SRGAP1: variants seen among roughly 807,000 people sequenced by gnomAD.
SRGAP1 encodes the protein SLIT-ROBO Rho GTPase-activating protein 1.
In SRGAP1, 43 loss-of-function variants were observed where a neutral mutation model predicts 121.9. The ratio of observed to expected loss-of-function variants is 0.35; its 90% CI spans 0.28 to 0.46. The LOEUF is 0.46. Among genes scored for constraint, SRGAP1 ranks in the 20% least tolerant of loss-of-function variants. The pLI, the probability that SRGAP1 is intolerant of heterozygous loss-of-function variation, is 1.00. For synonymous variants in SRGAP1, 447 were observed against 485.4 expected (o/e 0.92, Z 1.04); for missense variants, 1,102 against 1,350.9 (o/e 0.82, Z 2.89).
chr12:64,083,657 A>G (rs143016218), intron 10 of SRGAP1, among the ~76,000 whole-genome samples: 1 of 152,354 alleles, frequency 6.6e-6, no homozygotes, highest in East Asian at 1.9e-4. Context: ...CATAGAAGTT[A>G]AATTGACCAC....
At position 63,945,956 on chromosome 12, in the gene SRGAP1, T is replaced by C. The variant is rs111797898; in HGVS notation, c.68-37991T>C. On this transcript the variant is annotated intron_variant, in intron 1 of 21. Coordinates refer to ENST00000355086, the MANE Select transcript of SRGAP1 (RefSeq NM_020762.4). ...TAGTTCACCCACACATACCTTCCTA[T>C]CTGGTTCACCCACACATACCTTCCT... is the stretch of plus-strand genomic sequence containing the variant. Among the ~76,000 whole-genome samples the C allele has an allele frequency of 2.7e-4, 40 of 150,384 alleles. No individual in the cohort carries two copies. In the South Asian group the frequency reaches 4.0e-3, roughly 15 times the overall value.
intron 1 of SRGAP1, among the ~76,000 whole-genome samples, chr12:63,918,951 G>A (rs371015151): frequency 1.3e-5 from 2 of 152,134 alleles, no homozygotes; most frequent in African/African-American, 2.4e-5. Context: ...TATTCTTTGG[G>A]GAGTGACGTG....
At chr12:63,933,742 C>A in intron 1 of SRGAP1, among the ~76,000 whole-genome samples, 1 of 152,134 alleles carries the variant, frequency 6.6e-6, no homozygotes, top group East Asian at 1.9e-4. Context: ...CAACAAAAAG[C>A]TTGAGTAGTC....
chr12:64,082,946 T>G (rs1185195903), intron 10 of SRGAP1, among the ~76,000 whole-genome samples: 1 of 152,218 alleles, frequency 6.6e-6, no homozygotes, highest in South Asian at 2.1e-4. Flanking sequence ...CTGCCCCTTT[T>G]GCAGGCTGGG....
At chr12:64,090,649 G>T (rs1452848909) in intron 11 of SRGAP1, among the ~76,000 whole-genome samples, 3 of 152,140 alleles carry the variant, frequency 2.0e-5, no homozygotes, top group African/African-American at 7.2e-5. Flanking sequence ...AGACCAGCCT[G>T]GAAAACACAG....
At chr12:64,061,212 C>G (rs2136534328) in intron 6 of SRGAP1, among the ~76,000 whole-genome samples, 1 of 152,012 alleles carries the variant, frequency 6.6e-6, no homozygotes, top group East Asian at 1.9e-4. Flanking sequence ...TGTTATATTC[C>G]TAGGAATACT....
intron 3 of SRGAP1, among the ~76,000 whole-genome samples, chr12:63,990,396 G>GTA (rs2033522052): frequency 6.6e-6 from 1 of 152,160 alleles, no homozygotes; most frequent in Non-Finnish European, 1.5e-5. Flanking sequence ...GCTGGGCGTG[G>GTA]TGGCGCTTGC....
At chr12:63,982,172 C>G (rs906350632) in intron 1 of SRGAP1, among the ~76,000 whole-genome samples, 2 of 151,558 alleles carry the variant, frequency 1.3e-5, no homozygotes, top group African/African-American at 4.9e-5. Context: ...GATCGCGCCA[C>G]TGCACTCCAG....
chr12:64,099,225 G>A (rs1169249541), intron 15 of SRGAP1, among the ~76,000 whole-genome samples: 3 of 152,094 alleles, frequency 2.0e-5, no homozygotes, highest in African/African-American at 7.2e-5. Flanking sequence ...TAAAATAGGG[G>A]GAACATTAAT....
rs1349211195 is a variant in SRGAP1, at chr12:64,158,385, A to G, written c.*15713A>G. On this transcript the variant is annotated 3_prime_UTR_variant, in exon 22 of 22. Transcript: ENST00000355086. ...AAGTATATGAAAAGTTTAAGACCCAATTGCTTTTGAAGGAGATTCATCTAG... is the reference window on the plus strand; with the variant it reads ...AAGTATATGAAAAGTTTAAGACCCAGTTGCTTTTGAAGGAGATTCATCTAG... 1 of 152,240 alleles carries G rather than the reference A, an allele frequency of 6.6e-6. No homozygotes were observed. 9.4% of individuals were successfully genotyped at this position (152,240 alleles called of 1,614,324 possible).
chr12:63,874,277 C>T (rs930730189), intron 1 of SRGAP1, among the ~76,000 whole-genome samples: 13 of 151,990 alleles, frequency 8.6e-5, no homozygotes, highest in Non-Finnish European at 1.3e-4. Context: ...GATCTCGGCT[C>T]GCTGCAAGCT....
rs143882248 is a variant in SRGAP1 at position 63,886,340 on chromosome 12, G to A, written c.67+41457G>A. ...GCCTCTCAAGGTACTGGGATTAGAG[G>A]CATGAGCCATCGTGCCTGGCCAATG... On this transcript the variant is annotated intron_variant, in intron 1 of 21. Coordinates refer to ENST00000355086, the MANE Select transcript of SRGAP1 (RefSeq NM_020762.4). Among the ~76,000 whole-genome samples the A allele has an allele frequency of 5.1e-4, 76 of 149,278 alleles. 6 individuals are homozygous for A. The highest frequency in any genetic ancestry group is 1.9e-3 in the African/African-American group (74 of 38,768).
chr12:64,003,754 G>A (rs988579138), intron 3 of SRGAP1, among the ~76,000 whole-genome samples: 1 of 152,086 alleles, frequency 6.6e-6, no homozygotes, highest in African/African-American at 2.4e-5. Flanking sequence ...CTGAAGGAGA[G>A]GAGAAAGAGT....
chr12:63,977,720 A>C (rs2033130639), intron 1 of SRGAP1, among the ~76,000 whole-genome samples: 1 of 151,868 alleles, frequency 6.6e-6, no homozygotes, highest in African/African-American at 2.4e-5. Context: ...AAGCACACTC[A>C]TTTTGTGCAT....
chr12:64,054,871 A>G (rs1245264569), intron 6 of SRGAP1, among the ~76,000 whole-genome samples: 51 of 142,752 alleles, frequency 3.6e-4, no homozygotes, highest in African/African-American at 7.5e-4. Context: ...ATATCTCCCA[A>G]TGCTATCCCT....
At chr12:63,969,569 G>A (rs1295157717) in intron 1 of SRGAP1, among the ~76,000 whole-genome samples, 3 of 152,020 alleles carry the variant, frequency 2.0e-5, no homozygotes, top group South Asian at 4.1e-4. Context: ...CAAGGCAGGC[G>A]GATCACGAGG....
intron 1 of SRGAP1, among the ~76,000 whole-genome samples, chr12:63,950,278 G>T (rs770943541): frequency 1.1e-4 from 16 of 152,132 alleles, no homozygotes; most frequent in Non-Finnish European, 2.4e-4. Flanking sequence ...GTTTTTAGAT[G>T]TCCAAAACCT....
rs1404956489 is a variant in SRGAP1, at chr12:64,043,583, C to T, written c.801+8C>T. 4 of 1,580,430 alleles carry T rather than the reference C, an allele frequency of 2.5e-6. No homozygotes were observed. The highest frequency in any genetic ancestry group is 3.4e-6 in the Non-Finnish European group (4 of 1,166,724). On this transcript the variant is annotated splice_region_variant and intron_variant, in intron 6 of 21. Transcript: ENST00000355086. ...CTTTCTGATTTAATTGATGTGAGTA[C>T]TTGAAGTTTTTGTCTTTTCCATATT...
chr12:63,913,480 T>TATATATATATATATATATATATAG (rs1439123798), intron 1 of SRGAP1, among the ~76,000 whole-genome samples: 5 of 108,624 alleles, frequency 4.6e-5, no homozygotes, highest in Admixed American at 1.9e-4. Flanking sequence ...TATATATGGA[T>TATATATATATATATATATATATAG]ATATATATAT....
Sources: gnomAD v4.1 joint callset for allele counts (sites outside exome capture counted in the v4.1 genomes callset) on GRCh38, gnomAD v4.1.1 for gene constraint, MANE v1.5 for transcripts, NCBI Gene and HGNC (gene_info 2026-07-23, HGNC 2026-07-21) for gene names.